KAZN: variants seen among roughly 807,000 people sequenced by gnomAD.
KAZN encodes kazrin.
KAZN carries 40 observed loss-of-function variants against 87.4 expected under a neutral mutation model. That is an observed-to-expected ratio of 0.46 (90% CI 0.36 to 0.60). KAZN has a LOEUF of 0.60. Ranked by LOEUF, KAZN falls within the 20% of genes least tolerant of loss-of-function variation. KAZN has a pLI of 0.00. For missense variants in KAZN, 898 were observed against 1,073.9 expected, an observed-to-expected ratio of 0.84 and a Z score of 2.29; for synonymous variants, 466 against 458.3, an observed-to-expected ratio of 1.02 and a Z score of -0.22.
intron 2 of KAZN, among the ~76,000 whole-genome samples, chr1:14,495,450 C>A (rs1669885311): frequency 6.6e-6 from 1 of 152,150 alleles, no homozygotes; most frequent in South Asian, 2.1e-4. Flanking sequence ...GCCCCTTTAG[C>A]CAGATGGCTC....
At chr1:13,980,477 T>G (rs1638606634) in intron 1 of KAZN, among the ~76,000 whole-genome samples, 1 of 152,132 alleles carries the variant, frequency 6.6e-6, no homozygotes, top group African/African-American at 2.4e-5. Flanking sequence ...GAAAATGGTA[T>G]AGTAATATCA....
rs1349722855 is a variant in KAZN at position 14,598,935 on chromosome 1, G to A, written c.-63G>A. On this transcript the variant is annotated 5_prime_UTR_variant, in exon 1 of 15. Coordinates refer to ENST00000376030, the MANE Select transcript of KAZN (RefSeq NM_201628.3). This position sits in a 1 kb window ranked among gnomAD's most constrained non-coding sequence, Gnocchi z 4.2. ...GGTAGAGCCGGGGGTGCCCGGCCGCGCGCCCCCCGCGCATCATGCAGCTCT... is the reference window on the plus strand; with the variant it reads ...GGTAGAGCCGGGGGTGCCCGGCCGCACGCCCCCCGCGCATCATGCAGCTCT... 1.3e-6 allele frequency: 2 copies of A among 1,554,560 alleles called. No homozygotes were observed. Among genetic ancestry groups the A allele is most frequent in the Admixed American group, 4.0e-5 (2 of 50,358 alleles).
intron 8 of KAZN, among the ~76,000 whole-genome samples, chr1:15,070,664 G>T (rs1297868081): frequency 6.6e-6 from 1 of 152,176 alleles, no homozygotes; most frequent in East Asian, 1.9e-4. Context: ...TTGACAAAAT[G>T]ATTTTTAAAA....
chr1:14,533,769 C>T (rs1050068504), intron 2 of KAZN, among the ~76,000 whole-genome samples: 20 of 152,166 alleles, frequency 1.3e-4, no homozygotes, highest in Admixed American at 2.0e-4. Flanking sequence ...AATTTCTCTC[C>T]TTTTGATAAA....
chr1:14,776,885 ATGAGGGCCACTGCCCTCTAGCC>A (rs1410826083), intron 1 of KAZN, among the ~76,000 whole-genome samples: 1 of 146,768 alleles, frequency 6.8e-6, no homozygotes, highest in Non-Finnish European at 1.5e-5. Flanking sequence ...GCAGTGAGCT[ATGAGGGCCACTGCCCTCTAGCC>A]TGAGCAACTG....
At chr1:15,010,490 C>T (rs528363220) in intron 2 of KAZN, among the ~76,000 whole-genome samples, 1 of 151,820 alleles carries the variant, frequency 6.6e-6, no homozygotes, top group South Asian at 2.1e-4. Flanking sequence ...TCCCAGGTTC[C>T]CGCCATTCTC....
At chr1:14,425,142 G>C (rs567038843) in intron 2 of KAZN, among the ~76,000 whole-genome samples, 1 of 152,320 alleles carries the variant, frequency 6.6e-6, no homozygotes, top group Admixed American at 6.5e-5. Context: ...GTCTTCATCA[G>C]AGGCCAACCT....
chr1:14,231,879 A>T (rs1278195751), intron 2 of KAZN, among the ~76,000 whole-genome samples: 4 of 152,146 alleles, frequency 2.6e-5, no homozygotes, highest in African/African-American at 9.7e-5. Context: ...CCATGCAGTG[A>T]CTCAGGGATC....
chr1:14,424,215 T>C (rs1000323002), intron 2 of KAZN, among the ~76,000 whole-genome samples: 4 of 152,136 alleles, frequency 2.6e-5, no homozygotes, highest in African/African-American at 9.7e-5. Context: ...GTCATGAAGA[T>C]AAAAGGAGAA....
At chr1:14,164,452 C>A (rs1645775467) in intron 1 of KAZN, among the ~76,000 whole-genome samples, 1 of 100,836 alleles carries the variant, frequency 9.9e-6, no homozygotes, top group Admixed American at 1.0e-4. Context: ...AACACTATGG[C>A]TTTGTGTGTG....
intron 1 of KAZN, among the ~76,000 whole-genome samples, chr1:14,031,941 G>C (rs909319129): frequency 3.3e-5 from 5 of 152,122 alleles, no homozygotes; most frequent in African/African-American, 1.2e-4. Flanking sequence ...TGCCTGAATT[G>C]CTGGGACAAA....
At chr1:14,928,555 T>C (rs1279939326) in intron 1 of KAZN, among the ~76,000 whole-genome samples, 2 of 152,222 alleles carry the variant, frequency 1.3e-5, no homozygotes, top group Non-Finnish European at 2.9e-5. Context: ...TGACATTCCT[T>C]GTTTTAAGCA....
intron 8 of KAZN, among the ~76,000 whole-genome samples, chr1:15,079,164 G>A (rs577463311): frequency 6.6e-6 from 1 of 152,242 alleles, no homozygotes; most frequent in East Asian, 1.9e-4. Flanking sequence ...TGTGCAAATA[G>A]GCAAGGATTC....
intron 1 of KAZN, among the ~76,000 whole-genome samples, chr1:14,779,926 A>G (rs1438234070): frequency 6.6e-6 from 1 of 152,228 alleles, no homozygotes; most frequent in African/African-American, 2.4e-5. Flanking sequence ...GCTGATGCTA[A>G]TTGCAGTGTA....
At chr1:14,310,761 A>G (rs1439985002) in intron 2 of KAZN, among the ~76,000 whole-genome samples, 2 of 152,218 alleles carry the variant, frequency 1.3e-5, no homozygotes, top group Non-Finnish European at 2.9e-5. Context: ...AAGAATTCCC[A>G]GGAAAAAGAA....
chr1:14,378,622 T>G (rs1661108796), intron 2 of KAZN, among the ~76,000 whole-genome samples: 1 of 152,182 alleles, frequency 6.6e-6, no homozygotes, highest in Admixed American at 6.5e-5. Flanking sequence ...TTGAACTCAG[T>G]GCTGCCCCGT....
chr1:14,039,068 G>A (rs1217469151), intron 1 of KAZN, among the ~76,000 whole-genome samples: 1 of 152,044 alleles, frequency 6.6e-6, no homozygotes, highest in Non-Finnish European at 1.5e-5. Flanking sequence ...CTACTCGGGA[G>A]GCTAAGGCAA....
chr1:14,356,983 A>G (rs183438332), intron 2 of KAZN, among the ~76,000 whole-genome samples: 40 of 152,212 alleles, frequency 2.6e-4, no homozygotes, highest in Admixed American at 1.7e-3. Context: ...GTGGCTTGAT[A>G]GGGATAGCAT....
At chr1:14,270,465 T>C (rs1321448495) in intron 2 of KAZN, among the ~76,000 whole-genome samples, 2 of 152,200 alleles carry the variant, frequency 1.3e-5, no homozygotes, top group African/African-American at 4.8e-5. Context: ...GTTTCACCCA[T>C]TACATGCATT....
Sources: gnomAD v4.1 joint callset for allele counts (sites outside exome capture counted in the v4.1 genomes callset) on GRCh38, gnomAD v4.1.1 for gene constraint, Gnocchi (gnomAD v3.1) non-coding constraint, MANE v1.5 for transcripts, NCBI Gene and HGNC (gene_info 2026-07-23, HGNC 2026-07-21) for gene names.